Variants in PPP2R3A observed in about 807,000 individuals in gnomAD.
PPP2R3A encodes serine/threonine-protein phosphatase 2A regulatory subunit B'' subunit alpha.
PPP2R3A carries 80 observed loss-of-function variants against 106.9 expected under a neutral mutation model. The ratio of observed to expected loss-of-function variants is 0.75; its 90% confidence interval spans 0.62 to 0.90. The LOEUF (loss-of-function observed/expected upper bound fraction) is 0.90. Among genes scored for constraint, PPP2R3A ranks in the 40% least tolerant of loss-of-function variants. The probability of loss-of-function intolerance (pLI) is 0.00; values close to 1 mark genes in which losing one functional copy is unlikely to be tolerated. For synonymous variants in PPP2R3A, 483 were observed against 468.3 expected, an observed-to-expected ratio of 1.03 and a Z score of -0.41; for missense variants, 1,386 against 1,350.4, an observed-to-expected ratio of 1.03 and a Z score of -0.41.
intron 1 of PPP2R3A, among the ~76,000 whole-genome samples, chr3:135,987,232 C>T (rs931843219): frequency 1.3e-5 from 2 of 152,070 alleles, no homozygotes; most frequent in African/African-American, 4.8e-5. Context: ...GTAGAAGACA[C>T]AAGACTTCTG....
At chr3:136,060,282 C>T (rs138807091) in intron 5 of PPP2R3A, among the ~76,000 whole-genome samples, 582 of 152,252 alleles carry the variant, frequency 3.8e-3, no homozygotes, top group Non-Finnish European at 5.4e-3. Context: ...ACAAATACTA[C>T]GTGATCTCAC....
intron 1 of PPP2R3A, among the ~76,000 whole-genome samples, chr3:135,991,187 A>G (rs1559855127): frequency 6.6e-6 from 1 of 152,138 alleles, no homozygotes; most frequent in Non-Finnish European, 1.5e-5. Context: ...TGCTTGAGGC[A>G]AAACCATAGA....
intron 13 of PPP2R3A, among the ~76,000 whole-genome samples, chr3:136,128,340 C>CAAAAAA (rs1156708467): frequency 9.6e-6 from 1 of 103,758 alleles, no homozygotes; most frequent in South Asian, 3.2e-4. Flanking sequence ...AAATGGAAAG[C>CAAAAAA]AAAAAAAAAA....
At chr3:136,049,217 T>C (rs1935586245) in intron 4 of PPP2R3A, 42 bp from the exon 5 acceptor site, 1 of 1,426,854 alleles carries the variant, frequency 7.0e-7, no homozygotes, top group African/African-American at 1.4e-5. Flanking sequence ...TCATTGTTTG[T>C]TCAGAGGAAC....
At chr3:136,027,807 C>G (rs1353583018) in intron 3 of PPP2R3A, among the ~76,000 whole-genome samples, 1 of 152,160 alleles carries the variant, frequency 6.6e-6, no homozygotes, top group Non-Finnish European at 1.5e-5. Flanking sequence ...ACACTTCAGG[C>G]TTTAGCAGTA....
intron 2 of PPP2R3A, among the ~76,000 whole-genome samples, chr3:136,016,660 TGG>T (rs1934279703): frequency 6.6e-6 from 1 of 152,198 alleles, no homozygotes; most frequent in African/African-American, 2.4e-5. Flanking sequence ...TCCATTTGCA[TGG>T]ATTATCTTTT....
intron 13 of PPP2R3A, among the ~76,000 whole-genome samples, chr3:136,144,571 G>A (rs567965375): frequency 7.9e-4 from 120 of 152,058 alleles, no homozygotes; most frequent in Non-Finnish European, 1.6e-3. Flanking sequence ...TGAGGCAGGA[G>A]AATCGCCTGA....
At chr3:136,090,544 C>A in intron 9 of PPP2R3A, 34 bp from the exon 10 acceptor site, 1 of 1,545,296 alleles carries the variant, frequency 6.5e-7, no homozygotes, top group Non-Finnish European at 8.9e-7. Flanking sequence ...TGAGTAATTG[C>A]TCAGGAAATT....
chr3:136,001,975 C>A lies in PPP2R3A; in HGVS notation c.477C>A (p.Asp159Glu). Residue 159 changes from aspartate (D) to glutamate (E), a missense_variant, in exon 2 of 14, where the codon GAC (aspartate) becomes GAA (glutamate). Asp to Glu is a conservative substitution (Grantham distance 45). Coordinates refer to ENST00000264977, the MANE Select transcript of PPP2R3A (RefSeq NM_002718.5). ...TTAATAGGAGGTCAGTTGATTTGGACTTGCTTTGTGGCCATTATAACAACG... is the reference window on the plus strand; with the variant it reads ...TTAATAGGAGGTCAGTTGATTTGGAATTGCTTTGTGGCCATTATAACAACG... The part of the protein sequence containing the change: ...DSFNRRSVDL[D>E]LLCGHYNNDG... The A allele has an allele frequency of 6.2e-7, 1 of 1,614,014 alleles. No individual in the cohort carries two copies. Among genetic ancestry groups the A allele is most frequent in the East Asian group, 2.2e-5 (1 of 44,884 alleles).
At position 136,080,330 on chromosome 3, in the gene PPP2R3A, T is replaced by C. The variant is rs1054333110; in HGVS notation, c.2631+1877T>C. ...CTCTATTACAGTGATGCAGTGAACA[T>C]CCTTGTATGGGGTATGAGTAAGAAT... On this transcript the variant is annotated intron_variant, in intron 7 of 13. Coordinates refer to ENST00000264977, the MANE Select transcript of PPP2R3A (RefSeq NM_002718.5). 3.3e-5 allele frequency among the ~76,000 whole-genome samples: 5 copies of C among 152,324 alleles called. No individual in the cohort carries two copies. In the South Asian group the frequency reaches 1.0e-3, roughly 32 times the overall value.
At chr3:136,053,415 C>A (rs1935749684) in intron 5 of PPP2R3A, among the ~76,000 whole-genome samples, 1 of 151,728 alleles carries the variant, frequency 6.6e-6, no homozygotes, top group South Asian at 2.1e-4. Context: ...AACCACAACC[C>A]AGAATCAGGA....
intron 10 of PPP2R3A, among the ~76,000 whole-genome samples, chr3:136,096,059 T>C (rs1234600267): frequency 6.6e-6 from 1 of 152,208 alleles, no homozygotes; most frequent in Non-Finnish European, 1.5e-5. Flanking sequence ...AAAGCCTACT[T>C]TATAATAAAG....
chr3:136,025,777 T>A (rs1220181535), intron 2 of PPP2R3A, among the ~76,000 whole-genome samples: 1 of 152,134 alleles, frequency 6.6e-6, no homozygotes, highest in African/African-American at 2.4e-5. Flanking sequence ...TAGTCAACAG[T>A]TGTGTTCATC....
rs954036387 is a variant in PPP2R3A at position 136,146,923 on chromosome 3, T to A, written c.*1757T>A. On this transcript the variant is annotated 3_prime_UTR_variant, in exon 14 of 14. Transcript: ENST00000264977. ...CAGATATGGTTTAAATGTTTTATTA[T>A]CCATAATGATCTAAACTAATAAGAT... is the stretch of plus-strand genomic sequence containing the variant. The A allele has an allele frequency of 6.6e-5, 10 of 152,038 alleles. No individual in the cohort carries two copies. 9.4% of individuals were successfully genotyped at this position (152,038 alleles called of 1,614,324 possible).
At chr3:136,034,145 C>T (rs1019713137) in intron 3 of PPP2R3A, among the ~76,000 whole-genome samples, 1 of 151,430 alleles carries the variant, frequency 6.6e-6, no homozygotes, top group Non-Finnish European at 1.5e-5. Flanking sequence ...AAGTGATTCT[C>T]CTGCCTCAGC....
At chr3:136,017,910 A>T (rs748973033) in intron 2 of PPP2R3A, among the ~76,000 whole-genome samples, 10 of 152,178 alleles carry the variant, frequency 6.6e-5, no homozygotes, top group Non-Finnish European at 5.9e-5. Flanking sequence ...TGATGCTATC[A>T]TCTCAGTCTC....
chr3:136,101,912 T>C, intron 10 of PPP2R3A, 95 bp from the exon 11 acceptor site: 1 of 1,282,258 alleles, frequency 7.8e-7, no homozygotes, highest in Non-Finnish European at 1.1e-6. Flanking sequence ...GAAGTGTATG[T>C]AATATGTAAC....
chr3:136,007,496 G>T (rs764028060), intron 2 of PPP2R3A, among the ~76,000 whole-genome samples: 15 of 152,092 alleles, frequency 9.9e-5, no homozygotes, highest in Non-Finnish European at 1.9e-4. Flanking sequence ...AATTCCTCTA[G>T]CCTTTAACAC....
At chr3:136,140,468 G>A (rs1255717143) in intron 13 of PPP2R3A, among the ~76,000 whole-genome samples, 1 of 142,062 alleles carries the variant, frequency 7.0e-6, no homozygotes, top group Admixed American at 6.9e-5. Context: ...AAAAAAACCC[G>A]GGCTCAGTGG....
Sources: allele counts gnomAD v4.1 joint callset (sites outside exome capture counted in the v4.1 genomes callset), GRCh38; gene constraint gnomAD v4.1.1; transcripts MANE v1.5; gene names NCBI Gene and HGNC (gene_info 2026-07-23, HGNC 2026-07-21).